The following SETD3 variants were observed in gnomAD, a reference collection of about 807,000 sequenced individuals.
The protein encoded by SETD3 is SET domain containing 3, actin N3(tau)-histidine methyltransferase, also known as actin-histidine N-methyltransferase.
In SETD3, 19 loss-of-function variants were observed where a neutral mutation model predicts 63.0. That is an observed-to-expected ratio of 0.30 (90% CI 0.21 to 0.44). The LOEUF is 0.44. SETD3 is among the 20% of genes least tolerant of loss of function. SETD3 has a pLI of 1.00. For missense variants in SETD3, 587 were observed against 728.5 expected (o/e 0.81, Z 2.24); for synonymous variants, 286 against 264.1 (o/e 1.08, Z -0.80).
At chr14:99,479,827 G>A (rs1470651565) in intron 1 of SETD3, among the ~76,000 whole-genome samples, 3 of 152,184 alleles carry the variant, frequency 2.0e-5, no homozygotes, top group Non-Finnish European at 2.9e-5. Flanking sequence ...AAATAACACG[G>A]TCCGAGTGGT....
chr14:99,403,104 C>T (rs1164974530), intron 11 of SETD3, among the ~76,000 whole-genome samples: 1 of 152,180 alleles, frequency 6.6e-6, no homozygotes, highest in African/African-American at 2.4e-5. Context: ...GGAACAATGA[C>T]TGTATCTCAG....
At chr14:99,471,344 T>C (rs554237175) in intron 1 of SETD3, among the ~76,000 whole-genome samples, 2 of 152,364 alleles carry the variant, frequency 1.3e-5, no homozygotes, top group East Asian at 3.9e-4. Flanking sequence ...AATATTTAAT[T>C]CTACTAATGA....
At chr14:99,469,022 G>C (rs1406972001) in intron 1 of SETD3, among the ~76,000 whole-genome samples, 1 of 152,214 alleles carries the variant, frequency 6.6e-6, no homozygotes, top group Non-Finnish European at 1.5e-5. Context: ...CCTTGGAACA[G>C]ACAGGAAATG....
rs150553257 is a variant in SETD3 at position 99,405,172 on chromosome 14, CA to C, written c.1091+32del. On this transcript the variant is annotated intron_variant, in intron 10 of 12. Coordinates refer to ENST00000331768, the MANE Select transcript of SETD3 (RefSeq NM_032233.3). Reference sequence around the variant, plus strand: ...GCAACTGGAAATAGTTCAAGTACTGCAAGAAAGGGCCAACCGATGTTTTTCT... The same window carrying C: ...GCAACTGGAAATAGTTCAAGTACTGCAGAAAGGGCCAACCGATGTTTTTCT... 2,162 of 1,596,020 alleles carry C rather than the reference CA, an allele frequency of 1.4e-3. 23 individuals are homozygous for C. In the African/African-American group the frequency reaches 0.024, roughly 18 times the overall value.
intron 6 of SETD3, among the ~76,000 whole-genome samples, chr14:99,431,595 G>A (rs1244229997): frequency 2.0e-5 from 3 of 151,934 alleles, no homozygotes; most frequent in African/African-American, 4.8e-5. Context: ...GGGTTCAAGC[G>A]ATTCTCCTGC....
chr14:99,454,503 C>T (rs187086389), intron 6 of SETD3, among the ~76,000 whole-genome samples: 78 of 152,216 alleles, frequency 5.1e-4, no homozygotes, highest in African/African-American at 1.7e-3. Flanking sequence ...GAAATACTAA[C>T]ATAAGATACT....
At chr14:99,406,796 T>G (rs1053420169) in intron 8 of SETD3, among the ~76,000 whole-genome samples, 1 of 152,186 alleles carries the variant, frequency 6.6e-6, no homozygotes, top group African/African-American at 2.4e-5. Flanking sequence ...TATGGAAAAT[T>G]ACATACCTGA....
intron 1 of SETD3, among the ~76,000 whole-genome samples, chr14:99,472,642 T>C (rs1218334151): frequency 1.3e-5 from 2 of 152,202 alleles, no homozygotes; most frequent in Non-Finnish European, 2.9e-5. Flanking sequence ...AATATTTATA[T>C]TAGGAAAATA....
intron 11 of SETD3, among the ~76,000 whole-genome samples, chr14:99,400,582 G>A (rs1891337473): frequency 6.6e-6 from 1 of 152,126 alleles, no homozygotes; most frequent in African/African-American, 2.4e-5. Context: ...CTACAGCCAT[G>A]TACCCCCTTA....
At chr14:99,415,375 C>G (rs1036820743) in intron 6 of SETD3, among the ~76,000 whole-genome samples, 3 of 152,212 alleles carry the variant, frequency 2.0e-5, no homozygotes, top group Non-Finnish European at 4.4e-5. Context: ...ATATTCAAAA[C>G]TGGAATGCTA....
At chr14:99,439,700 AT>A (rs1893689291) in intron 6 of SETD3, among the ~76,000 whole-genome samples, 2 of 147,932 alleles carry the variant, frequency 1.4e-5, no homozygotes, top group South Asian at 2.1e-4. Flanking sequence ...ATGTATTTAT[AT>A]TTTTATACAT....
intron 6 of SETD3, among the ~76,000 whole-genome samples, chr14:99,457,975 T>C (rs908882026): frequency 3.9e-5 from 6 of 152,248 alleles, no homozygotes; most frequent in African/African-American, 1.4e-4. Context: ...TTAGATATGC[T>C]TTAAGGCTTT....
At chr14:99,405,982 G>C (rs576684494) in intron 9 of SETD3, among the ~76,000 whole-genome samples, 1 of 152,096 alleles carries the variant, frequency 6.6e-6, no homozygotes, top group Non-Finnish European at 1.5e-5. Context: ...GTCTGCTTGG[G>C]TGTAGACTGA....
chr14:99,403,084 T>G (rs1159658392), intron 11 of SETD3, among the ~76,000 whole-genome samples: 1 of 152,064 alleles, frequency 6.6e-6, no homozygotes, highest in Non-Finnish European at 1.5e-5. Flanking sequence ...AGCGACAGGG[T>G]TGCTTATGAG....
intron 6 of SETD3, among the ~76,000 whole-genome samples, chr14:99,445,981 T>C (rs1426757797): frequency 6.6e-6 from 1 of 152,150 alleles, no homozygotes; most frequent in Non-Finnish European, 1.5e-5. Flanking sequence ...CAAGTAAAGC[T>C]GGGACTGGAG....
At position 99,400,251 on chromosome 14, in the gene SETD3, T is replaced by G. The variant is rs1566869717; in HGVS notation, c.1186A>C (p.Lys396Gln). The G allele has an allele frequency of 6.2e-7, 1 of 1,610,180 alleles. No individual in the cohort carries two copies. Among genetic ancestry groups the G allele is most frequent in the Non-Finnish European group, 8.5e-7 (1 of 1,178,804 alleles). Reference sequence around the variant, plus strand: ...GCGCTGTCTCCCAGCAAGTGTTCTTTCAGTTCTTCTACAAGAAATACAAAT... The same window carrying G: ...GCGCTGTCTCCCAGCAAGTGTTCTTGCAGTTCTTCTACAAGAAATACAAAT... ...RVFCMTEEEL[K>Q]EHLLGDSAID... The change falls in exon 12 of 13, where the codon AAA becomes CAA. Residue 396 changes from lysine to glutamine, a missense_variant. Physicochemically the swap from Lys to Gln is moderately conservative, Grantham distance 53. Coordinates refer to ENST00000331768, the MANE Select transcript of SETD3 (RefSeq NM_032233.3).
chr14:99,451,574 A>T (rs1025505016), intron 6 of SETD3, among the ~76,000 whole-genome samples: 10 of 152,074 alleles, frequency 6.6e-5, no homozygotes, highest in African/African-American at 2.4e-4. Context: ...TGGTGTGATC[A>T]CGGCTCACTG....
chr14:99,422,736 G>C (rs1892654774), intron 6 of SETD3, among the ~76,000 whole-genome samples: 2 of 152,142 alleles, frequency 1.3e-5, no homozygotes, highest in African/African-American at 4.8e-5. Context: ...AGTTTACTTA[G>C]GTAAATCTCA....
chr14:99,466,624 G>C (rs1387607220), intron 1 of SETD3, among the ~76,000 whole-genome samples: 3 of 151,916 alleles, frequency 2.0e-5, no homozygotes, highest in African/African-American at 4.8e-5. Flanking sequence ...ATGGCGGGGG[G>C]GGGGGGGGGC....
Sources: gnomAD v4.1 joint callset for allele counts (sites outside exome capture counted in the v4.1 genomes callset) on GRCh38, gnomAD v4.1.1 for gene constraint, MANE v1.5 for transcripts, NCBI Gene and HGNC (gene_info 2026-07-23, HGNC 2026-07-21) for gene names.